MYO9A: variants seen among roughly 807,000 people sequenced by gnomAD.
MYO9A encodes the protein unconventional myosin-IXa.
MYO9A carries 103 observed loss-of-function variants against 293.3 expected under a neutral mutation model. The ratio of observed to expected loss-of-function variants is 0.35; its 90% CI spans 0.30 to 0.41. The LOEUF (loss-of-function observed/expected upper bound fraction) is 0.41, where lower values mean the gene tolerates loss of function less well. Among genes scored for constraint, MYO9A ranks in the 10% least tolerant of loss-of-function variants. The pLI is 1.00. For missense variants in MYO9A, 2,685 were observed against 3,033.0 expected, an observed-to-expected ratio of 0.89 and a Z score of 2.69; for synonymous variants, 1,001 against 1,035.7, an observed-to-expected ratio of 0.97 and a Z score of 0.64.
chr15:72,048,588 T>C (rs2957373), intron 1 of MYO9A, among the ~76,000 whole-genome samples: 105,012 of 151,796 alleles, frequency 0.69, 37,073 homozygotes, highest in Non-Finnish European at 0.76. Context: ...GTCTGTTCCA[T>C]AGGTCTATTT....
At chr15:71,987,919 C>T (rs2076445331) in intron 11 of MYO9A, among the ~76,000 whole-genome samples, 1 of 152,184 alleles carries the variant, frequency 6.6e-6, no homozygotes, top group East Asian at 1.9e-4. Flanking sequence ...TGCTGACATT[C>T]AGGGTAGCAA....
intron 19 of MYO9A, among the ~76,000 whole-genome samples, chr15:71,910,168 G>GTATATACATA (rs2057802701): frequency 7.8e-6 from 1 of 128,330 alleles, no homozygotes; most frequent in Non-Finnish European, 1.6e-5. Context: ...ATATATACGT[G>GTATATACATA]TATATATATA....
chr15:71,853,728 G>C (rs1249496746), intron 35 of MYO9A, among the ~76,000 whole-genome samples: 1 of 152,148 alleles, frequency 6.6e-6, no homozygotes, highest in Non-Finnish European at 1.5e-5. Context: ...ATGAATTCCA[G>C]TACTAAAACT....
chr15:71,825,033 G>GTGCATGTAGTAGCAAGACAAGA lies in MYO9A; in HGVS notation c.*1525_*1546dup, dbSNP rs1305704363. On this transcript the variant is annotated 3_prime_UTR_variant, in exon 42 of 42. Transcript: ENST00000356056. ...ATGGTAAAGGCTCTTTTTCAGAGCAGTGCATGTAGTAGCAAGACAAGATGC... is the reference window on the plus strand; with the variant it reads ...ATGGTAAAGGCTCTTTTTCAGAGCAGTGCATGTAGTAGCAAGACAAGATGCATGTAGTAGCAAGACAAGATGC... 6.6e-6 allele frequency: 1 copy of GTGCATGTAGTAGCAAGACAAGA among 152,208 alleles called. No individual in the cohort carries two copies. Among genetic ancestry groups the GTGCATGTAGTAGCAAGACAAGA allele is most frequent in the African/African-American group, 2.4e-5 (1 of 41,464 alleles). 9.4% of individuals were successfully genotyped at this position (152,208 alleles called of 1,614,324 possible). A position where few individuals can be genotyped will look rare whatever the true frequency, so the allele number is the denominator to read the frequency against.
At chr15:71,861,679 T>TAAAAAAAAAAAAAAA (rs66598621) in intron 33 of MYO9A, among the ~76,000 whole-genome samples, 3 of 82,932 alleles carry the variant, frequency 3.6e-5, no homozygotes, top group Non-Finnish European at 7.8e-5. Context: ...ACTGATGATA[T>TAAAAAAAAAAAAAAA]AAAAAAAAAA....
intron 33 of MYO9A, among the ~76,000 whole-genome samples, chr15:71,861,308 A>G (rs2141726227): frequency 6.6e-6 from 1 of 151,698 alleles, no homozygotes; most frequent in Admixed American, 6.6e-5. Flanking sequence ...AGTAAAAGCA[A>G]AGCTTCACAG....
intron 1 of MYO9A, among the ~76,000 whole-genome samples, chr15:72,109,631 G>A (rs1804623664): frequency 6.6e-6 from 1 of 152,274 alleles, no homozygotes; most frequent in South Asian, 2.1e-4. Flanking sequence ...GTTCACGCCT[G>A]TAATCACAGC....
At chr15:72,061,551 G>A (rs1317463370) in intron 1 of MYO9A, among the ~76,000 whole-genome samples, 1 of 151,710 alleles carries the variant, frequency 6.6e-6, no homozygotes, top group Non-Finnish European at 1.5e-5. Flanking sequence ...TAAGTAGGCA[G>A]TACTCACCAC....
At chr15:71,994,719 A>C (rs922536394) in intron 9 of MYO9A, 134 bp from the exon 10 acceptor site, 2 of 561,896 alleles carry the variant, frequency 3.6e-6, no homozygotes, top group Non-Finnish European at 6.2e-6. Context: ...CAAAATAAAA[A>C]ATCTATAACT....
intron 1 of MYO9A, among the ~76,000 whole-genome samples, chr15:72,113,975 T>G (rs754689974): frequency 9.2e-5 from 14 of 152,070 alleles, no homozygotes; most frequent in Non-Finnish European, 1.9e-4. Flanking sequence ...GAGCAGAAAT[T>G]AGTAATAAAT....
chr15:71,854,673 A>G, intron 34 of MYO9A, 104 bp from the exon 35 acceptor site: 1 of 881,742 alleles, frequency 1.1e-6, no homozygotes, highest in Non-Finnish European at 1.7e-6. Flanking sequence ...CTGAAGTTTT[A>G]TGAGCATAGT....
At chr15:71,827,805 G>T (rs2054569554) in intron 41 of MYO9A, 79 bp downstream of exon 41, 17 of 1,451,330 alleles carry the variant, frequency 1.2e-5, no homozygotes, top group Non-Finnish European at 1.6e-5. Flanking sequence ...ATTCTTAAAA[G>T]ACTTTGTCTT....
intron 12 of MYO9A, among the ~76,000 whole-genome samples, chr15:71,976,455 C>T (rs574910303): frequency 6.6e-6 from 1 of 152,274 alleles, no homozygotes; most frequent in South Asian, 2.1e-4. Flanking sequence ...CATTTCCTAC[C>T]TATATAATCT....
chr15:71,925,241 A>G, intron 18 of MYO9A, among the ~76,000 whole-genome samples: 2 of 148,354 alleles, frequency 1.3e-5, no homozygotes, highest in East Asian at 2.0e-4. Context: ...ACACATATAT[A>G]TACATATACG....
chr15:71,893,303 T>C (rs868623217), intron 26 of MYO9A: 10 of 678,074 alleles, frequency 1.5e-5, no homozygotes, highest in Middle Eastern at 3.3e-4. Flanking sequence ...CACCCAACCA[T>C]GCCCTTTCCA....
At chr15:71,952,647 G>A (rs1201954859) in intron 14 of MYO9A, among the ~76,000 whole-genome samples, 3 of 152,106 alleles carry the variant, frequency 2.0e-5, no homozygotes, top group African/African-American at 4.8e-5. Flanking sequence ...CAGGCTTTAG[G>A]GTGGTGGTTG....
rs1221746494 is a variant in MYO9A at position 71,824,434 on chromosome 15, C to A, written c.*2146G>T. On this transcript the variant is annotated 3_prime_UTR_variant, in exon 42 of 42. Coordinates refer to ENST00000356056, the MANE Select transcript of MYO9A (RefSeq NM_006901.4). Reference sequence around the variant, plus strand: ...GCCACAGGAAATTATTCCATAAGGGCAATCTCTTTTTTTCATACAGGATTT... The same window carrying A: ...GCCACAGGAAATTATTCCATAAGGGAAATCTCTTTTTTTCATACAGGATTT... 6.6e-6 allele frequency: 1 copy of A among 152,122 alleles called. No individual in the cohort carries two copies. The highest frequency in any genetic ancestry group is 6.6e-5 in the Admixed American group (1 of 15,266). 9.4% of individuals were successfully genotyped at this position (152,122 alleles called of 1,614,324 possible). A position where few individuals can be genotyped will look rare whatever the true frequency, so the allele number is the denominator to read the frequency against.
At chr15:72,057,856 T>C (rs1418319763) in intron 1 of MYO9A, among the ~76,000 whole-genome samples, 2 of 152,226 alleles carry the variant, frequency 1.3e-5, no homozygotes, top group Non-Finnish European at 2.9e-5. Flanking sequence ...AAATTCCTTG[T>C]TAAGTGTGCC....
chr15:71,992,611 A>C (rs1430620562), intron 10 of MYO9A, among the ~76,000 whole-genome samples: 2 of 152,160 alleles, frequency 1.3e-5, no homozygotes, highest in Non-Finnish European at 2.9e-5. Context: ...GAAGCATGAA[A>C]AATTAACATA....
Sources: gnomAD v4.1 joint callset for allele counts (sites outside exome capture counted in the v4.1 genomes callset) on GRCh38, gnomAD v4.1.1 for gene constraint, MANE v1.5 for transcripts, NCBI Gene and HGNC (gene_info 2026-07-23, HGNC 2026-07-21) for gene names.